The following ACOX3 variants were observed in gnomAD, a reference collection of about 807,000 sequenced individuals.
The protein encoded by ACOX3 is acyl-CoA oxidase 3, pristanoyl.
ACOX3 carries 73 observed loss-of-function variants against 81.5 expected under a neutral mutation model. The ratio of observed to expected loss-of-function variants is 0.90; its 90% CI spans 0.74 to 1.09. ACOX3 has a LOEUF of 1.09. Among genes scored for constraint, ACOX3 ranks in the 50% least tolerant of loss-of-function variants. The pLI is 0.00. For missense variants in ACOX3, 947 were observed against 928.0 expected, an observed-to-expected ratio of 1.02 and a Z score of -0.27; for synonymous variants, 387 against 375.1, an observed-to-expected ratio of 1.03 and a Z score of -0.37.
rs1052618536 is a variant in ACOX3 at position 8,370,131 on chromosome 4, T to C, written c.1983+777A>G. On this transcript the variant is annotated intron_variant, in intron 17 of 17. Transcript: ENST00000356406. The surrounding 1 kb of genome is among the most constrained non-coding windows in gnomAD (Gnocchi z 6.3). Reference sequence around the variant, plus strand: ...CTCTCCAAGGCAGCAATAGTCAGCTTATACTGAAAGAATGGAAGGCACTCC... The same window carrying C: ...CTCTCCAAGGCAGCAATAGTCAGCTCATACTGAAAGAATGGAAGGCACTCC... 2.0e-5 allele frequency among the ~76,000 whole-genome samples: 3 copies of C among 152,316 alleles called. No individual in the cohort carries two copies. Among genetic ancestry groups the C allele is most frequent in the African/African-American group, 4.8e-5 (2 of 41,574 alleles).
In ACOX3 at chr4:8,400,092, C is replaced by CA. The variant is rs912269023; in HGVS notation, c.777-441dup. 1.1e-4 allele frequency among the ~76,000 whole-genome samples: 16 copies of CA among 150,780 alleles called. No individual in the cohort carries two copies. Among genetic ancestry groups the CA allele is most frequent in the Middle Eastern group, 3.4e-3 (1 of 292 alleles). On this transcript the variant is annotated intron_variant, in intron 7 of 17. Transcript: ENST00000356406. This position sits in a 1 kb window ranked among gnomAD's most constrained non-coding sequence, Gnocchi z 4.4. ...TGAAACCCCGTCTCTACTAAAAATA[C>CA]AAAAAAAAATTAGCCAGGAGTGGTG... is the stretch of plus-strand genomic sequence containing the variant.
At chr4:8,371,240 G>C (rs1462568297) in intron 16 of ACOX3, among the ~76,000 whole-genome samples, 2 of 152,186 alleles carry the variant, frequency 1.3e-5, no homozygotes, top group East Asian at 3.9e-4. Context: ...TTCCCAACAA[G>C]GTAGAAAAGG....
intron 14 of ACOX3, among the ~76,000 whole-genome samples, chr4:8,377,458 T>TTGGCTCTG (rs1717113553): frequency 7.9e-6 from 1 of 127,354 alleles, no homozygotes; most frequent in African/African-American, 3.6e-5. Context: ...ACAGCGTCAC[T>TTGGCTCTG]CGGCTCTGCA....
chr4:8,373,953 T>A (rs1034249049), intron 15 of ACOX3: 2 of 369,296 alleles, frequency 5.4e-6, no homozygotes, highest in Non-Finnish European at 1.0e-5. Flanking sequence ...GGTTCCTTCC[T>A]CGGGAGAAAG....
At chr4:8,417,466 C>T (rs1394056504) in intron 1 of ACOX3, among the ~76,000 whole-genome samples, 1 of 152,076 alleles carries the variant, frequency 6.6e-6, no homozygotes, top group Non-Finnish European at 1.5e-5. Context: ...CACCCTCCAA[C>T]AGCTGTGAGC....
In ACOX3 at chr4:8,406,663, C is replaced by A. The variant is rs775417019; in HGVS notation, c.688-620G>T. Among the ~76,000 whole-genome samples, 13 of 152,302 alleles carry A rather than the reference C, an allele frequency of 8.5e-5. No homozygotes were observed. The highest frequency in any genetic ancestry group is 1.9e-4 in the Non-Finnish European group (13 of 68,014). ...CCACATGGGTCACATGTCCACTGGA[C>A]AGGGGGCCCTTCCCTGCCTGGCAGC... On this transcript the variant is annotated intron_variant, in intron 6 of 17. Coordinates refer to ENST00000356406, the MANE Select transcript of ACOX3 (RefSeq NM_003501.3). This position sits in a 1 kb window ranked among gnomAD's most constrained non-coding sequence, Gnocchi z 5.6.
At chr4:8,404,150 C>T (rs1720665053) in intron 7 of ACOX3, among the ~76,000 whole-genome samples, 1 of 152,240 alleles carries the variant, frequency 6.6e-6, no homozygotes. Flanking sequence ...GCATTACATC[C>T]TCCAGATGGC....
Position 8,416,518 on chromosome 4 carries a change from C to T in ACOX3, c.4G>A (p.Ala2Thr), listed in dbSNP as rs749541732. M[A>T]STVEGGDTAL... ...GTGTCGCCTCCTTCCACAGTGGATGCCATCGCGTGATAAGAGCCTGCACAA... is the reference window on the plus strand; with the variant it reads ...GTGTCGCCTCCTTCCACAGTGGATGTCATCGCGTGATAAGAGCCTGCACAA... Residue 2 changes from alanine (A) to threonine (T), a missense_variant, in exon 2 of 18, where the codon GCA becomes ACA. Physicochemically the swap from Ala to Thr is moderately conservative, Grantham distance 58. Transcript: ENST00000356406. This position sits in a 1 kb window ranked among gnomAD's most constrained non-coding sequence, Gnocchi z 4.2. 5.0e-6 allele frequency: 8 copies of T among 1,603,898 alleles called. No homozygotes were observed. The Admixed American group carries it at 8.5e-5, about 17-fold the overall frequency.
At chr4:8,367,577 A>C (rs777362335) in intron 17 of ACOX3, among the ~76,000 whole-genome samples, 39 of 152,108 alleles carry the variant, frequency 2.6e-4, no homozygotes, top group Non-Finnish European at 4.3e-4. Context: ...ATTTATATGA[A>C]TATTTTCTTT....
chr4:8,375,150 C>T lies in ACOX3; in HGVS notation c.1656G>A (p.Val552=), dbSNP rs921097118. 1.6e-5 allele frequency: 25 copies of T among 1,540,206 alleles called. No homozygotes were observed. The highest frequency in any genetic ancestry group is 2.0e-5 in the Admixed American group (1 of 50,440). ...CCAGCGCCAACGGACGGCCGTGGGA[C>T]ACCTGGAACACAGGACGGCACCGTG... ...SDFEARNKCQ[V]SHGRPLALAF... is the part of the protein sequence containing the mutation. Residue 552 remains valine, a splice_region_variant and synonymous_variant, in exon 15 of 18, where the codon GTG becomes GTA. Transcript: ENST00000356406.
At chr4:8,362,737 T>C (rs923103109), downstream of ACOX3, among the ~76,000 whole-genome samples, 3 of 152,222 alleles carry the variant, frequency 2.0e-5, no homozygotes, top group Non-Finnish European at 2.9e-5. Context: ...CCAAGCTATC[T>C]TGAGGCTCAA....
Position 8,414,520 on chromosome 4 carries a change from T to TCAGTCAAG in ACOX3, c.454-140_454-139insCTTGACTG. The stretch of plus-strand genomic sequence containing the variant: ...AATTTCCATCTACCCAACTAGTGAC[T>TCAGTCAAG]TGACTGAGTCATGCTGCCACACTCA... On this transcript the variant is annotated intron_variant, in intron 4 of 17. Coordinates refer to ENST00000356406, the MANE Select transcript of ACOX3 (RefSeq NM_003501.3). The surrounding 1 kb of genome is among the most constrained non-coding windows in gnomAD (Gnocchi z 6.1). 1 of 812,816 alleles carries TCAGTCAAG rather than the reference T, an allele frequency of 1.2e-6. No homozygotes were observed. The highest frequency in any genetic ancestry group is 2.0e-6 in the Non-Finnish European group (1 of 495,466). The allele number at this position is 812,816 out of a possible 1,614,324, so 50.4% of individuals were successfully genotyped here.
At chr4:8,420,504 C>T (rs1450907126) in intron 1 of ACOX3, among the ~76,000 whole-genome samples, 1 of 152,138 alleles carries the variant, frequency 6.6e-6, no homozygotes, top group Non-Finnish European at 1.5e-5. Context: ...AGAGAGCTCA[C>T]TAAAATACCA....
At chr4:8,421,051 G>C (rs899802141) in intron 1 of ACOX3, among the ~76,000 whole-genome samples, 24 of 152,222 alleles carry the variant, frequency 1.6e-4, no homozygotes, top group African/African-American at 5.5e-4. Flanking sequence ...AGGTCAGAGA[G>C]CAAGAGGTTT....
downstream of ACOX3, among the ~76,000 whole-genome samples, chr4:8,364,129 T>A (rs1240849345): frequency 6.6e-6 from 1 of 152,182 alleles, no homozygotes; most frequent in Non-Finnish European, 1.5e-5. The surrounding 1 kb of genome is among the most constrained non-coding windows in gnomAD (Gnocchi z 5.0). Flanking sequence ...AACACACCTA[T>A]ACCTAGAAGC....
intron 1 of ACOX3, among the ~76,000 whole-genome samples, chr4:8,422,999 G>C (rs1433768392): frequency 1.3e-5 from 2 of 152,218 alleles, no homozygotes; most frequent in Non-Finnish European, 2.9e-5. Flanking sequence ...CAGCAGGACT[G>C]AGGGTGCCCG....
Position 8,432,236 on chromosome 4 carries a change from A to G in ACOX3, c.-15+8412T>C, listed in dbSNP as rs79325649. Among the ~76,000 whole-genome samples, 4,748 of 152,174 alleles carry G rather than the reference A, an allele frequency of 0.031. 88 individuals are homozygous for G. The highest frequency in any genetic ancestry group is 0.046 in the Non-Finnish European group (3,116 of 67,996). On this transcript the variant is annotated intron_variant, in intron 1 of 17. Transcript: ENST00000356406. This position sits in a 1 kb window ranked among gnomAD's most constrained non-coding sequence, Gnocchi z 6.2. ...TGGCAAATGTTACTGGCTTGAGCCA[A>G]TGAATTTTTTTTTTCGAGATGGAGT... is the stretch of plus-strand genomic sequence containing the variant.
the ACOX3 span, chr4:8,356,630 A>G: frequency 2.2e-6 from 1 of 455,896 alleles, no homozygotes. Context: ...CCGGCAGGTG[A>G]GAGGAAGAAA....
intron 14 of ACOX3, among the ~76,000 whole-genome samples, chr4:8,376,260 A>G (rs1447309645): frequency 2.0e-5 from 3 of 151,916 alleles, no homozygotes; most frequent in African/African-American, 7.3e-5. Context: ...CCTGTCTCCC[A>G]TTTATCATCT....
Sources: gnomAD v4.1 joint callset for allele counts (sites outside exome capture counted in the v4.1 genomes callset) on GRCh38, gnomAD v4.1.1 for gene constraint, Gnocchi (gnomAD v3.1) non-coding constraint, MANE v1.5 for transcripts, NCBI Gene and HGNC (gene_info 2026-07-23, HGNC 2026-07-21) for gene names.